Variants in OCA2 observed in about 807,000 individuals in gnomAD.
OCA2 encodes the protein P protein.
OCA2 carries 77 observed loss-of-function variants against 100.2 expected under a neutral mutation model. That is an observed-to-expected ratio of 0.77 (90% confidence interval 0.64 to 0.93). The LOEUF (loss-of-function observed/expected upper bound fraction) is 0.93, where lower values mean the gene tolerates loss of function less well. Ranked by LOEUF, OCA2 falls within the 40% of genes least tolerant of loss-of-function variation. OCA2 has a pLI of 0.00. For missense variants in OCA2, 1,062 were observed against 1,089.1 expected (o/e 0.98, Z 0.35); for synonymous variants, 432 against 439.2 (o/e 0.98, Z 0.21).
intron 2 of OCA2, among the ~76,000 whole-genome samples, chr15:28,064,354 C>T (rs1033832801): frequency 6.7e-6 from 1 of 149,860 alleles, no homozygotes; most frequent in African/African-American, 2.4e-5. Flanking sequence ...GTTTTCTGGT[C>T]CTTTCTCTCT....
At chr15:28,026,211 G>A (rs2042742568) in intron 4 of OCA2, among the ~76,000 whole-genome samples, 1 of 152,172 alleles carries the variant, frequency 6.6e-6, no homozygotes. Flanking sequence ...TCAGTGGCAA[G>A]CTCAAAGGCA....
intron 6 of OCA2, among the ~76,000 whole-genome samples, chr15:28,020,462 T>C (rs1335217010): frequency 6.6e-6 from 1 of 151,896 alleles, no homozygotes; most frequent in Non-Finnish European, 1.5e-5. Flanking sequence ...TTCAGGTTCC[T>C]GGGTCAGCCT....
intron 1 of OCA2, among the ~76,000 whole-genome samples, chr15:28,093,165 G>A (rs1373852764): frequency 6.6e-6 from 1 of 152,130 alleles, no homozygotes; most frequent in Non-Finnish European, 1.5e-5. Context: ...CAGGCCAGGC[G>A]CAGTGGCTCA....
chr15:27,969,682 C>G lies in OCA2; in HGVS notation c.1504-2860G>C, dbSNP rs1205784730. Among the ~76,000 whole-genome samples the G allele has an allele frequency of 2.6e-5, 4 of 152,126 alleles. No homozygotes were observed. The South Asian group carries it at 8.3e-4, about 31-fold the overall frequency. ...GGATTAAATGGCCAAATATTAGGCA[C>G]GTAAACCAAACAAAAGAGGAACCCT... is the stretch of plus-strand genomic sequence containing the variant. On this transcript the variant is annotated intron_variant, in intron 14 of 23. Transcript: ENST00000354638.
At chr15:27,993,917 G>A (rs2041637687) in intron 9 of OCA2, among the ~76,000 whole-genome samples, 2 of 152,166 alleles carry the variant, frequency 1.3e-5, no homozygotes, top group Non-Finnish European at 2.9e-5. Flanking sequence ...AAACTACATG[G>A]TTGTAGAAGA....
intron 9 of OCA2, among the ~76,000 whole-genome samples, chr15:28,001,428 G>A (rs1260348971): frequency 6.6e-6 from 1 of 152,142 alleles, no homozygotes; most frequent in Non-Finnish European, 1.5e-5. Flanking sequence ...GCCAAAGGGA[G>A]CTCTGGGGTC....
intron 19 of OCA2, among the ~76,000 whole-genome samples, chr15:27,913,883 GAAAGA>G (rs1567098170): frequency 1.9e-5 from 1 of 52,694 alleles, no homozygotes; most frequent in Non-Finnish European, 3.3e-5. Context: ...AAGAAAGAAA[GAAAGA>G]AAGAAAGCAA....
chr15:27,816,118 G>A (rs1016773403), intron 23 of OCA2, among the ~76,000 whole-genome samples: 14 of 152,012 alleles, frequency 9.2e-5, no homozygotes, highest in African/African-American at 3.1e-4. Flanking sequence ...TGGGCAACAA[G>A]AGCACAACTC....
intron 1 of OCA2, among the ~76,000 whole-genome samples, chr15:28,089,922 C>T (rs181918465): frequency 6.6e-6 from 1 of 152,228 alleles, no homozygotes; most frequent in African/African-American, 2.4e-5. Flanking sequence ...ACAACCTGCA[C>T]ATGTAGCCCC....
intron 9 of OCA2, among the ~76,000 whole-genome samples, chr15:28,004,944 T>G (rs2042046435): frequency 1.3e-5 from 2 of 152,130 alleles, no homozygotes; most frequent in Non-Finnish European, 2.9e-5. Context: ...CATCAGACTG[T>G]GGGGGAGGAA....
chr15:27,844,258 G>C (rs1318981814), intron 23 of OCA2, among the ~76,000 whole-genome samples: 1 of 152,136 alleles, frequency 6.6e-6, no homozygotes, highest in Non-Finnish European at 1.5e-5. Flanking sequence ...ACACAAGAGA[G>C]GGACGCCACT....
At chr15:27,803,463 C>G (rs1394264598) in intron 23 of OCA2, among the ~76,000 whole-genome samples, 1 of 152,170 alleles carries the variant, frequency 6.6e-6, no homozygotes, top group Non-Finnish European at 1.5e-5. Flanking sequence ...CGACATAAGG[C>G]TGACTGAAAT....
intron 19 of OCA2, among the ~76,000 whole-genome samples, chr15:27,903,769 T>C (rs2038060257): frequency 6.6e-6 from 1 of 152,256 alleles, no homozygotes; most frequent in South Asian, 2.1e-4. Flanking sequence ...TGGCTCACTC[T>C]TGTGCTCAGG....
the OCA2 span, among the ~76,000 whole-genome samples, chr15:27,740,713 A>C: frequency 1.3e-5 from 2 of 152,184 alleles, no homozygotes; most frequent in Non-Finnish European, 2.9e-5. Context: ...AGATTAATTC[A>C]GATCCTGCCT....
At chr15:28,050,386 G>A (rs575782304) in intron 2 of OCA2, among the ~76,000 whole-genome samples, 18 of 152,080 alleles carry the variant, frequency 1.2e-4, no homozygotes, top group African/African-American at 4.1e-4. Context: ...GTGAAACCCC[G>A]TCTCTACTAA....
At chr15:27,808,385 A>C (rs1010231110) in intron 23 of OCA2, among the ~76,000 whole-genome samples, 39 of 152,186 alleles carry the variant, frequency 2.6e-4, no homozygotes, top group African/African-American at 9.4e-4. Context: ...TGGGACCTAG[A>C]TGCTGGGTTG....
intron 9 of OCA2, among the ~76,000 whole-genome samples, chr15:28,009,894 G>A (rs193149219): frequency 8.4e-4 from 128 of 152,242 alleles, no homozygotes; most frequent in Non-Finnish European, 1.6e-3. Context: ...TCAGGGAAAT[G>A]TAAGAATTAG....
intron 23 of OCA2, among the ~76,000 whole-genome samples, chr15:27,774,637 C>T (rs1011445284): frequency 1.3e-5 from 2 of 152,208 alleles, no homozygotes; most frequent in Non-Finnish European, 2.9e-5. Flanking sequence ...TATGTTGAAG[C>T]CCTAGCCCCC....
Position 27,846,156 on chromosome 15 carries a change from C to G in OCA2, c.2339-1104G>C, listed in dbSNP as rs184339494. Among the ~76,000 whole-genome samples, 57 of 152,198 alleles carry G rather than the reference C, an allele frequency of 3.7e-4. 1 individual carries two copies. The highest frequency in any genetic ancestry group is 3.4e-3 in the Middle Eastern group (1 of 294). ...AGCTGCGATATGCGAGTCTTCGGGG[C>G]AGTGCTGGCCCAGACAGCCCCCTCT... On this transcript the variant is annotated intron_variant, in intron 22 of 23. Transcript: ENST00000354638.
Sources: allele counts gnomAD v4.1 joint callset (sites outside exome capture counted in the v4.1 genomes callset), GRCh38; gene constraint gnomAD v4.1.1; transcripts MANE v1.5; gene names NCBI Gene and HGNC (gene_info 2026-07-23, HGNC 2026-07-21).